The following EXOC4 variants were observed in gnomAD, a reference collection of about 807,000 sequenced individuals.
EXOC4 encodes the protein SEC8-like 1.
EXOC4 carries 71 observed loss-of-function variants against 107.2 expected under a neutral mutation model. That is an observed-to-expected ratio of 0.66 (90% CI 0.55 to 0.81). EXOC4 has a LOEUF of 0.81. Ranked by LOEUF, EXOC4 falls within the 30% of genes least tolerant of loss-of-function variation. EXOC4 has a pLI of 0.00. For synonymous variants in EXOC4, 456 were observed against 441.2 expected (o/e 1.03, Z -0.42); for missense variants, 1,108 against 1,189.6 (o/e 0.93, Z 1.01).
chr7:133,361,366 C>T (rs1259034601), intron 6 of EXOC4, among the ~76,000 whole-genome samples: 6 of 152,094 alleles, frequency 3.9e-5, no homozygotes, highest in African/African-American at 1.2e-4. Context: ...CTGCAAGCTC[C>T]GCCTCCTGGG....
chr7:133,364,948 A>G (rs577142984), intron 6 of EXOC4, among the ~76,000 whole-genome samples: 23 of 152,268 alleles, frequency 1.5e-4, no homozygotes, highest in African/African-American at 5.5e-4. Flanking sequence ...TTATATAAAC[A>G]TGATGTTTCC....
chr7:133,471,530 A>T (rs1364312803), intron 7 of EXOC4, among the ~76,000 whole-genome samples: 1 of 152,222 alleles, frequency 6.6e-6, no homozygotes, highest in Non-Finnish European at 1.5e-5. Context: ...GCAAACAATG[A>T]AGCAAACAAA....
At chr7:133,387,477 T>C (rs920434052) in intron 7 of EXOC4, among the ~76,000 whole-genome samples, 1 of 152,156 alleles carries the variant, frequency 6.6e-6, no homozygotes, top group Non-Finnish European at 1.5e-5. Context: ...ACATAGATAA[T>C]TCCTATTTCT....
chr7:133,257,779 A>G (rs1488986173), intron 1 of EXOC4, among the ~76,000 whole-genome samples: 1 of 152,252 alleles, frequency 6.6e-6, no homozygotes, highest in Non-Finnish European at 1.5e-5. Flanking sequence ...ATGTCTTCAC[A>G]GAAGTTGAAA....
chr7:133,821,516 T>A (rs1413799826), intron 11 of EXOC4, among the ~76,000 whole-genome samples: 1 of 152,204 alleles, frequency 6.6e-6, no homozygotes, highest in Non-Finnish European at 1.5e-5. Context: ...GTCTGTTGAA[T>A]CCAGTAATAA....
rs149832921 is a variant in EXOC4 at position 133,880,219 on chromosome 7, A to G, written c.1735-15380A>G. Among the ~76,000 whole-genome samples the G allele has an allele frequency of 9.4e-3, 1,435 of 152,098 alleles. 31 individuals carry two copies. Among genetic ancestry groups the G allele is most frequent in the African/African-American group, 0.032 (1,330 of 41,472 alleles). ...TGGACTATCACTGTTTCCTGTTCTA[A>G]TTGATGTTTTCCCAAGTAGATTACC... On this transcript the variant is annotated intron_variant, in intron 11 of 17. Coordinates refer to ENST00000253861, the MANE Select transcript of EXOC4 (RefSeq NM_021807.4).
At chr7:133,977,670 T>G (rs968053792) in intron 14 of EXOC4, among the ~76,000 whole-genome samples, 2 of 152,070 alleles carry the variant, frequency 1.3e-5, no homozygotes, top group Admixed American at 6.6e-5. Context: ...GGTTGGTTTG[T>G]TTTGTTGTTG....
At chr7:133,598,910 C>G (rs1431758114) in intron 9 of EXOC4, among the ~76,000 whole-genome samples, 1 of 152,052 alleles carries the variant, frequency 6.6e-6, no homozygotes, top group Non-Finnish European at 1.5e-5. Flanking sequence ...CTTGAACCCA[C>G]TAGGCACAGG....
At chr7:134,032,719 G>A (rs1276459419) in intron 17 of EXOC4, among the ~76,000 whole-genome samples, 1 of 152,154 alleles carries the variant, frequency 6.6e-6, no homozygotes, top group African/African-American at 2.4e-5. Flanking sequence ...TGTCTCTTCT[G>A]TACTGGTTAC....
intron 9 of EXOC4, among the ~76,000 whole-genome samples, chr7:133,557,040 AGT>A (rs1800704553): frequency 6.6e-6 from 1 of 152,200 alleles, no homozygotes; most frequent in East Asian, 1.9e-4. Context: ...AGAAATTCTA[AGT>A]GCCTCTCACC....
At chr7:134,087,929 A>G in the EXOC4 span, among the ~76,000 whole-genome samples, 1 of 152,210 alleles carries the variant, frequency 6.6e-6, no homozygotes, top group African/African-American at 2.4e-5. Context: ...GCTCTCTTTA[A>G]ATTGGCATTG....
At chr7:133,565,207 G>C (rs145285298) in intron 9 of EXOC4, among the ~76,000 whole-genome samples, 1 of 152,148 alleles carries the variant, frequency 6.6e-6, no homozygotes, top group African/African-American at 2.4e-5. Context: ...TGGTGGGCTC[G>C]ATAGGGAAGA....
intron 6 of EXOC4, among the ~76,000 whole-genome samples, chr7:133,369,446 A>C (rs1336009434): frequency 6.6e-6 from 1 of 152,140 alleles, no homozygotes; most frequent in Non-Finnish European, 1.5e-5. Flanking sequence ...GGGGACCTTA[A>C]GTTGTAAATT....
At chr7:133,329,945 A>G (rs887665854) in intron 5 of EXOC4, among the ~76,000 whole-genome samples, 1 of 152,110 alleles carries the variant, frequency 6.6e-6, no homozygotes, top group African/African-American at 2.4e-5. Flanking sequence ...CAGAGCTCAA[A>G]TGCTGTGCTG....
In EXOC4 at chr7:133,513,593, G is replaced by A. The variant is rs866319705; in HGVS notation, c.1417+33455G>A. Among the ~76,000 whole-genome samples the A allele has an allele frequency of 2.0e-4, 30 of 152,034 alleles. 1 individual carries two copies. The highest frequency in any genetic ancestry group is 7.2e-4 in the African/African-American group (30 of 41,382). Reference sequence around the variant, plus strand: ...CAGTATCCTGTCTTTTTGTGTTCTTGGGTCTGATTTGTATTTAATTTGTTA... The same window carrying A: ...CAGTATCCTGTCTTTTTGTGTTCTTAGGTCTGATTTGTATTTAATTTGTTA... On this transcript the variant is annotated intron_variant, in intron 9 of 17. Coordinates refer to ENST00000253861, the MANE Select transcript of EXOC4 (RefSeq NM_021807.4).
In EXOC4 at chr7:133,634,245, G is replaced by A. The variant is rs1003613057; in HGVS notation, c.1514+4104G>A. 2.0e-5 allele frequency among the ~76,000 whole-genome samples: 3 copies of A among 152,086 alleles called. No individual in the cohort carries two copies. The East Asian group carries it at 5.8e-4, about 29-fold the overall frequency. On this transcript the variant is annotated intron_variant, in intron 10 of 17. Coordinates refer to ENST00000253861, the MANE Select transcript of EXOC4 (RefSeq NM_021807.4). ...CTAGGAAATCTCACAGGATGTTAGC[G>A]TCAAATATACTGACTTCTAATTTGT...
chr7:133,499,046 A>G (rs1584960575), intron 9 of EXOC4, among the ~76,000 whole-genome samples: 3 of 150,722 alleles, frequency 2.0e-5, no homozygotes, highest in East Asian at 2.0e-4. Flanking sequence ...ATTCTAAAAC[A>G]TTTTACCGGT....
chr7:133,953,059 G>A (rs577542144), intron 14 of EXOC4, among the ~76,000 whole-genome samples: 57 of 152,270 alleles, frequency 3.7e-4, no homozygotes, highest in African/African-American at 1.3e-3. Context: ...TGTACTGCAC[G>A]TCTTTCTACT....
At chr7:133,582,937 T>C (rs907827493) in intron 9 of EXOC4, among the ~76,000 whole-genome samples, 1 of 152,228 alleles carries the variant, frequency 6.6e-6, no homozygotes, top group Non-Finnish European at 1.5e-5. Flanking sequence ...TAACAGTATA[T>C]GTAGAAGTTA....
Sources: gnomAD v4.1 joint callset for allele counts (sites outside exome capture counted in the v4.1 genomes callset) on GRCh38, gnomAD v4.1.1 for gene constraint, MANE v1.5 for transcripts, NCBI Gene and HGNC (gene_info 2026-07-23, HGNC 2026-07-21) for gene names.